The following FBXL18 variants were observed in gnomAD, a reference collection of about 807,000 sequenced individuals.
The protein encoded by FBXL18 is F-box and leucine rich repeat protein 18, also known as F-box/LRR-repeat protein 18.
Under a neutral mutation model 46.0 loss-of-function variants are expected in FBXL18, and 36 were observed. The observed-to-expected ratio is 0.78, with a 90% confidence interval of 0.60 to 1.03. The LOEUF (loss-of-function observed/expected upper bound fraction) is 1.03, where lower values mean the gene tolerates loss of function less well. FBXL18 is among the 50% of genes least tolerant of loss of function. The pLI is 0.00. For missense variants in FBXL18, 977 were observed against 1,004.1 expected (o/e 0.97, Z 0.36); for synonymous variants, 557 against 465.3 (o/e 1.20, Z -2.54).
At chr7:5,483,906 C>T (rs1218663503) in intron 4 of FBXL18, among the ~76,000 whole-genome samples, 1 of 152,154 alleles carries the variant, frequency 6.6e-6, no homozygotes, top group African/African-American at 2.4e-5. Flanking sequence ...CGGGGTCCAG[C>T]CTCTCGCTGT....
At chr7:5,490,540 G>T (rs573624269) in intron 4 of FBXL18, among the ~76,000 whole-genome samples, 1 of 152,342 alleles carries the variant, frequency 6.6e-6, no homozygotes, top group African/African-American at 2.4e-5. Context: ...GAAAGGGCCT[G>T]ACAGCAGGTG....
chr7:5,500,193 A>C (rs921739804), intron 3 of FBXL18, among the ~76,000 whole-genome samples: 4 of 151,882 alleles, frequency 2.6e-5, no homozygotes, highest in Non-Finnish European at 5.9e-5. Context: ...GGCAACAATG[A>C]TGCACCTGGC....
chr7:5,475,091 G>A (rs1326139998), downstream of FBXL18, among the ~76,000 whole-genome samples: 1 of 150,922 alleles, frequency 6.6e-6, no homozygotes, highest in East Asian at 2.0e-4. The surrounding 1 kb of genome is among the most constrained non-coding windows in gnomAD (Gnocchi z 4.2). Flanking sequence ...GGCCGAGGCG[G>A]GTGGATCACT....
chr7:5,465,012 G>A (rs576463136), intron 4 of FBXL18, among the ~76,000 whole-genome samples: 11 of 152,058 alleles, frequency 7.2e-5, no homozygotes, highest in Admixed American at 2.0e-4. Context: ...GCAGTGAGCC[G>A]AGACTGTGCC....
At chr7:5,482,649 C>T (rs1783679069) in intron 4 of FBXL18, among the ~76,000 whole-genome samples, 1 of 152,056 alleles carries the variant, frequency 6.6e-6, no homozygotes, top group Non-Finnish European at 1.5e-5. Flanking sequence ...AACCCTACAA[C>T]CAACCACAGT....
In FBXL18 at chr7:5,501,352, G is replaced by T. The variant is rs1446351240; in HGVS notation, c.917C>A (p.Ser306Tyr). The T allele has an allele frequency of 1.2e-6, 2 of 1,614,020 alleles. No homozygotes were observed. Among genetic ancestry groups the T allele is most frequent in the Admixed American group, 3.3e-5 (2 of 59,992 alleles). Residue 306 changes from serine to tyrosine, a missense_variant, in exon 3 of 5, where the codon TCC becomes TAC. Physicochemically the swap from Ser to Tyr is moderately radical, Grantham distance 144. Transcript: ENST00000382368. ...QLPKSWLNGS[S>Y]LLQHMKFNNP... ...GTTGAATTTCATGTGCTGCAGGAGG[G>T]AAGAGCCGTTCAGCCAGGACTTGGG... is the stretch of plus-strand genomic sequence containing the variant.
At chr7:5,492,547 C>G (rs187346284) in intron 3 of FBXL18, among the ~76,000 whole-genome samples, 1 of 151,934 alleles carries the variant, frequency 6.6e-6, no homozygotes, top group Non-Finnish European at 1.5e-5. Flanking sequence ...GACGCCCCCC[C>G]ACACACACAC....
At position 5,500,669 on chromosome 7, in the gene FBXL18, G is replaced by T; in HGVS notation, c.1600C>A (p.Arg534=). The part of the protein sequence containing the change: ...VAAIGQLAFL[R]HLTLAQLPSV... ...GGCAGCTGTGCGAGCGTCAGGTGCCGCAGGAAGGCCAGCTGGCCGATGGCG... is the reference window on the plus strand; with the variant it reads ...GGCAGCTGTGCGAGCGTCAGGTGCCTCAGGAAGGCCAGCTGGCCGATGGCG... The change falls in exon 3 of 5, where the codon CGG becomes AGG. Residue 534 remains arginine (R), a synonymous_variant. Coordinates refer to ENST00000382368, the MANE Select transcript of FBXL18 (RefSeq NM_024963.6). The T allele has an allele frequency of 6.2e-7, 1 of 1,611,064 alleles. No individual in the cohort carries two copies. Among genetic ancestry groups the T allele is most frequent in the Non-Finnish European group, 8.5e-7 (1 of 1,179,086 alleles).
At chr7:5,466,000 T>C (rs1414022736) in intron 4 of FBXL18, among the ~76,000 whole-genome samples, 2 of 151,924 alleles carry the variant, frequency 1.3e-5, no homozygotes, top group African/African-American at 4.8e-5. Flanking sequence ...GTATTTTTAG[T>C]AGAGACAAGG....
intron 3 of FBXL18, chr7:5,495,965 GGCCCACAAA>G (rs762313438): frequency 2.2e-4 from 102 of 455,996 alleles, no homozygotes; most frequent in Non-Finnish European, 3.7e-4. Context: ...CTCTCAGGCT[GGCCCACAAA>G]ACCCACAAAA....
At chr7:5,510,003 A>T (rs1784488963) in intron 1 of FBXL18, among the ~76,000 whole-genome samples, 1 of 152,076 alleles carries the variant, frequency 6.6e-6, no homozygotes, top group African/African-American at 2.4e-5. Flanking sequence ...TGGAGAGGAA[A>T]CAAAAACCAG....
At chr7:5,489,991 A>G in intron 4 of FBXL18, 5 of 1,284,694 alleles carry the variant, frequency 3.9e-6, no homozygotes, top group Non-Finnish European at 5.1e-6. Flanking sequence ...TAAATTTTTA[A>G]AAAGTACTCT....
At chr7:5,487,720 C>CAGGCAGGCGCCCT (rs1341501198) in intron 4 of FBXL18, among the ~76,000 whole-genome samples, 1 of 152,246 alleles carries the variant, frequency 6.6e-6, no homozygotes, top group East Asian at 1.9e-4. Context: ...ATGGGGGCCC[C>CAGGCAGGCGCCCT]AGGCAGGCGC....
chr7:5,470,475 G>A (rs1052758787), intron 4 of FBXL18, among the ~76,000 whole-genome samples: 2 of 152,130 alleles, frequency 1.3e-5, no homozygotes, highest in Admixed American at 6.5e-5. Context: ...CGAAACCCGA[G>A]AGCCAGGAAC....
At chr7:5,487,663 G>A (rs1428917486) in intron 4 of FBXL18, among the ~76,000 whole-genome samples, 1 of 152,238 alleles carries the variant, frequency 6.6e-6, no homozygotes, top group African/African-American at 2.4e-5. Context: ...CTTCTGTGAG[G>A]CTTGAACAAG....
chr7:5,492,640 G>A (rs899388661), intron 3 of FBXL18, among the ~76,000 whole-genome samples: 33 of 152,066 alleles, frequency 2.2e-4, no homozygotes, highest in Non-Finnish European at 4.4e-4. Flanking sequence ...GAGTTAAGAG[G>A]AGGATGCATC....
chr7:5,490,070 G>A (rs753629301), intron 4 of FBXL18: 1 of 1,356,546 alleles, frequency 7.4e-7, no homozygotes. Flanking sequence ...GAGACAGCCA[G>A]CGGCCGACCG....
At chr7:5,493,900 G>A (rs997666466) in intron 3 of FBXL18, among the ~76,000 whole-genome samples, 1 of 152,092 alleles carries the variant, frequency 6.6e-6, no homozygotes, top group Admixed American at 6.5e-5. Flanking sequence ...TTGGGAGGCT[G>A]AGGCAGGCGG....
chr7:5,491,658 G>A (rs774987187), intron 3 of FBXL18, among the ~76,000 whole-genome samples: 4 of 152,180 alleles, frequency 2.6e-5, no homozygotes, highest in African/African-American at 4.8e-5. Context: ...ATTTGGAGGC[G>A]ACCCGGTGGG....
Sources: gnomAD v4.1 joint callset for allele counts (sites outside exome capture counted in the v4.1 genomes callset) on GRCh38, gnomAD v4.1.1 for gene constraint, Gnocchi (gnomAD v3.1) non-coding constraint, MANE v1.5 for transcripts, NCBI Gene and HGNC (gene_info 2026-07-23, HGNC 2026-07-21) for gene names.